The following USP47 variants were observed in gnomAD, a reference collection of about 807,000 sequenced individuals.
USP47 encodes the protein ubiquitin carboxyl-terminal hydrolase 47.
A neutral mutation model predicts 165.1 loss-of-function variants in USP47; 35 were observed. That is an observed-to-expected ratio of 0.21 (90% CI 0.16 to 0.28). The LOEUF (loss-of-function observed/expected upper bound fraction) is 0.28, where lower values mean the gene tolerates loss of function less well. Among genes scored for constraint, USP47 ranks in the 10% least tolerant of loss-of-function variants. The pLI is 1.00. For synonymous variants in USP47, 531 were observed against 544.5 expected (o/e 0.98, Z 0.35); for missense variants, 1,277 against 1,607.4 (o/e 0.79, Z 3.52).
At chr11:11,930,166 A>T in intron 13 of USP47, 46 bp downstream of exon 13, 1 of 1,506,128 alleles carries the variant, frequency 6.6e-7, no homozygotes, top group Non-Finnish European at 9.2e-7. Flanking sequence ...AGAATTAATT[A>T]TAGCTTCTCA....
rs190372861 is a variant in USP47, at chr11:11,914,625, G to T, written c.970-5531G>T. On this transcript the variant is annotated intron_variant, in intron 8 of 27. Coordinates refer to ENST00000527733, the MANE Select transcript of USP47 (RefSeq NM_001282659.2). ...AGACATATTTGCAAGCTGTCTATCT[G>T]ACAAAGGACTCATATCTAGAATATA... Among the ~76,000 whole-genome samples, 1,291 of 151,902 alleles carry T rather than the reference G, an allele frequency of 8.5e-3. 11 individuals are homozygous for T. The highest frequency in any genetic ancestry group is 0.03 in the African/African-American group (1,220 of 41,290).
At chr11:11,900,591 T>C (rs1216287080) in intron 5 of USP47, among the ~76,000 whole-genome samples, 3 of 152,204 alleles carry the variant, frequency 2.0e-5, no homozygotes, top group African/African-American at 4.8e-5. Flanking sequence ...ATTTGAAAGA[T>C]AGAGAACCCC....
At position 11,877,767 on chromosome 11, in the gene USP47, T is replaced by TTC. The variant is rs796503437; in HGVS notation, c.40-2390_40-2389dup. 1.0e-3 allele frequency among the ~76,000 whole-genome samples: 137 copies of TTC among 135,364 alleles called. 2 individuals carry two copies. Among genetic ancestry groups the TTC allele is most frequent in the South Asian group, 2.7e-3 (11 of 4,080 alleles). 88.8% of individuals were successfully genotyped at this position (135,364 alleles called of 152,430 possible). On this transcript the variant is annotated intron_variant, in intron 1 of 27. Transcript: ENST00000527733. ...ATTATGTAGCATGCATGCATAGCCT[T>TTC]TCTCTCTCTCTCTCTCTCTCTTTCT...
chr11:11,922,779 G>A lies in USP47; in HGVS notation c.1274G>A (p.Cys425Tyr), dbSNP rs1853927279. Residue 425 changes from cysteine to tyrosine, a missense_variant, in exon 11 of 28, where the codon TGT (cysteine) becomes TAT (tyrosine). Physicochemically the swap from Cys to Tyr is radical, Grantham distance 194. Transcript: ENST00000527733. ...AGTGGAGCAGAAAATGAAGGTAGTT[G>A]TCACAGTGATCAGATGAGCAACGAT... ...TDSGAENEGS[C>Y]HSDQMSNDFS... 1 of 1,611,476 alleles carries A rather than the reference G, an allele frequency of 6.2e-7. No homozygotes were observed. Among genetic ancestry groups the A allele is most frequent in the African/African-American group, 1.3e-5 (1 of 74,758 alleles).
chr11:11,920,634 T>C lies in USP47; in HGVS notation c.1218+140T>C, dbSNP rs540276887. On this transcript the variant is annotated intron_variant, in intron 10 of 27. Transcript: ENST00000527733. ...AAACTTTTTCTTTCTTATTTTCTAATGTGGAATTCAATAAAATGATTTACC... is the reference window on the plus strand; with the variant it reads ...AAACTTTTTCTTTCTTATTTTCTAACGTGGAATTCAATAAAATGATTTACC... The C allele has an allele frequency of 1.1e-4, 75 of 697,114 alleles. No homozygotes were observed. In the African/African-American group the frequency reaches 1.3e-3, roughly 12 times the overall value. The allele number at this position is 697,114 out of a possible 1,614,324, so 43.2% of individuals were successfully genotyped here. A position where few individuals can be genotyped will look rare whatever the true frequency, so the allele number is the denominator to read the frequency against.
intron 8 of USP47, among the ~76,000 whole-genome samples, chr11:11,910,889 A>G (rs910908834): frequency 6.6e-5 from 10 of 152,316 alleles, no homozygotes; most frequent in African/African-American, 2.4e-4. Flanking sequence ...TTTGAGTTAA[A>G]AAAGAAAACC....
chr11:11,844,056 C>T (rs552485190), intron 1 of USP47, among the ~76,000 whole-genome samples: 1 of 152,214 alleles, frequency 6.6e-6, no homozygotes, highest in African/African-American at 2.4e-5. Context: ...TCTTTGATGG[C>T]CACACTCATT....
chr11:11,944,590 G>A lies in USP47; in HGVS notation c.3091+1478G>A, dbSNP rs550294288. ...TGTGTGAAATTGATATTGTTAGACC[G>A]TTTTCACTGATGACGAAACTGGTCA... On this transcript the variant is annotated intron_variant, in intron 20 of 27. Transcript: ENST00000527733. 4.6e-5 allele frequency among the ~76,000 whole-genome samples: 7 copies of A among 152,166 alleles called. No individual in the cohort carries two copies. The South Asian group carries it at 1.0e-3, about 23-fold the overall frequency.
intron 1 of USP47, among the ~76,000 whole-genome samples, chr11:11,861,152 T>G (rs1000695139): frequency 1.3e-5 from 2 of 152,164 alleles, no homozygotes; most frequent in Non-Finnish European, 2.9e-5. Flanking sequence ...TGGAGTATAG[T>G]GACACGATCT....
At chr11:11,951,085 G>A (rs1218096630) in intron 24 of USP47, 2 of 152,454 alleles carry the variant, frequency 1.3e-5, no homozygotes, top group Non-Finnish European at 2.9e-5. Context: ...TGCTGTGGGG[G>A]AGAATCTGTT....
At chr11:11,954,866 A>G (rs1429173974) in intron 25 of USP47, 31 bp from the exon 26 acceptor site, 1 of 1,607,142 alleles carries the variant, frequency 6.2e-7, no homozygotes, top group South Asian at 1.1e-5. Flanking sequence ...AATTTTTTAA[A>G]TGAACTCAAA....
At chr11:11,940,057 C>G (rs1232375818) in intron 18 of USP47, among the ~76,000 whole-genome samples, 1 of 151,904 alleles carries the variant, frequency 6.6e-6, no homozygotes, top group African/African-American at 2.4e-5. Context: ...AAAGGCCTGT[C>G]AAAAGCCAAG....
At chr11:11,949,462 T>G (rs1856075915) in intron 22 of USP47, among the ~76,000 whole-genome samples, 1 of 152,328 alleles carries the variant, frequency 6.6e-6, no homozygotes, top group South Asian at 2.1e-4. Flanking sequence ...ACAGTCATTT[T>G]GATTTACATA....
At chr11:11,873,462 A>G (rs10831688) in intron 1 of USP47, among the ~76,000 whole-genome samples, 87,584 of 151,894 alleles carry the variant, frequency 0.58, 25,938 homozygotes, top group African/African-American at 0.7. Flanking sequence ...AAATCAAGAG[A>G]TCTCTTGGTT....
At chr11:11,929,292 T>A in intron 11 of USP47, 142 bp from the exon 12 acceptor site, 1 of 1,186,652 alleles carries the variant, frequency 8.4e-7, no homozygotes, top group Non-Finnish European at 1.1e-6. Flanking sequence ...CCATTTTTGT[T>A]TTACCTTAGG....
intron 2 of USP47, 45 bp from the exon 3 acceptor site, chr11:11,884,422 T>C (rs770917869): frequency 2.9e-6 from 4 of 1,374,400 alleles, no homozygotes; most frequent in Non-Finnish European, 4.0e-6. Context: ...AGATTACTTA[T>C]TTTATGTTTC....
intron 1 of USP47, among the ~76,000 whole-genome samples, chr11:11,847,797 T>A (rs1316028512): frequency 6.6e-6 from 1 of 152,198 alleles, no homozygotes; most frequent in African/African-American, 2.4e-5. Flanking sequence ...CAGGGTTACT[T>A]TCTAAAACAG....
At chr11:11,928,614 C>A (rs951719579) in intron 11 of USP47, among the ~76,000 whole-genome samples, 17 of 152,010 alleles carry the variant, frequency 1.1e-4, no homozygotes, top group Admixed American at 5.9e-4. Flanking sequence ...TTTTAACCTC[C>A]TTCTCTGTTT....
intron 8 of USP47, among the ~76,000 whole-genome samples, chr11:11,916,678 A>T (rs1360496470): frequency 6.6e-6 from 1 of 152,116 alleles, no homozygotes; most frequent in Admixed American, 6.6e-5. Context: ...GAAAGAGAAG[A>T]CCAGCAAAGG....
Sources: gnomAD v4.1 joint callset for allele counts (sites outside exome capture counted in the v4.1 genomes callset) on GRCh38, gnomAD v4.1.1 for gene constraint, MANE v1.5 for transcripts, NCBI Gene and HGNC (gene_info 2026-07-23, HGNC 2026-07-21) for gene names.